The following SPAG17 variants were observed in gnomAD, a reference collection of about 807,000 sequenced individuals.
SPAG17 encodes the protein sperm-associated antigen 17.
Under a neutral mutation model 273.6 loss-of-function variants are expected in SPAG17, and 169 were observed. The observed-to-expected ratio is 0.62, with a 90% CI of 0.55 to 0.70. The LOEUF is 0.70. SPAG17 is among the 30% of genes least tolerant of loss of function. SPAG17 has a pLI of 0.00. For synonymous variants in SPAG17, 825 were observed against 873.2 expected, an observed-to-expected ratio of 0.94 and a Z score of 0.97; for missense variants, 2,557 against 2,627.8, an observed-to-expected ratio of 0.97 and a Z score of 0.59.
At chr1:118,059,610 T>C (rs145504757) in intron 18 of SPAG17, among the ~76,000 whole-genome samples, 51 of 152,248 alleles carry the variant, frequency 3.3e-4, no homozygotes, top group African/African-American at 1.2e-3. Context: ...TGTTCAATGT[T>C]GTGTACATAC....
At chr1:118,135,040 C>T (rs1380393009) in intron 3 of SPAG17, among the ~76,000 whole-genome samples, 1 of 152,222 alleles carries the variant, frequency 6.6e-6, no homozygotes, top group African/African-American at 2.4e-5. Flanking sequence ...CTGGAATTAA[C>T]TTTGTGATTG....
intron 9 of SPAG17, 78 bp downstream of exon 9, chr1:118,091,852 G>A: frequency 6.8e-7 from 1 of 1,468,424 alleles, no homozygotes; most frequent in Non-Finnish European, 9.5e-7. Flanking sequence ...GAGGCTGAAA[G>A]TAATATGGAG....
intron 1 of SPAG17, among the ~76,000 whole-genome samples, chr1:118,157,595 A>C (rs1659716996): frequency 6.6e-6 from 1 of 152,114 alleles, no homozygotes; most frequent in Admixed American, 6.5e-5. Context: ...CCTGCCAACA[A>C]ATGACTAGAT....
chr1:118,157,265 T>C (rs1659699937), intron 1 of SPAG17, among the ~76,000 whole-genome samples: 1 of 152,008 alleles, frequency 6.6e-6, no homozygotes, highest in Non-Finnish European at 1.5e-5. Context: ...TCAGAGAAAA[T>C]ATTAAGGAGG....
At chr1:118,128,420 G>A (rs1238778912) in intron 3 of SPAG17, among the ~76,000 whole-genome samples, 1 of 152,064 alleles carries the variant, frequency 6.6e-6, no homozygotes, top group Non-Finnish European at 1.5e-5. Context: ...CTCTGGCTAG[G>A]ACTTCCAGTA....
At chr1:118,043,697 A>T (rs1650028595) in intron 20 of SPAG17, among the ~76,000 whole-genome samples, 1 of 152,176 alleles carries the variant, frequency 6.6e-6, no homozygotes, top group Non-Finnish European at 1.5e-5. Flanking sequence ...GGACTGATTG[A>T]TTGTTTATTA....
At chr1:118,125,630 T>C (rs1398703564) in intron 3 of SPAG17, among the ~76,000 whole-genome samples, 3 of 152,226 alleles carry the variant, frequency 2.0e-5, no homozygotes, top group Admixed American at 2.0e-4. Context: ...GTGGTATTTA[T>C]CTGTCTGTGT....
At chr1:118,058,130 A>G (rs1433987065) in intron 18 of SPAG17, among the ~76,000 whole-genome samples, 1 of 152,206 alleles carries the variant, frequency 6.6e-6, no homozygotes, top group African/African-American at 2.4e-5. Flanking sequence ...CATTTAAAAT[A>G]CTTAACTTTA....
chr1:117,989,138 A>G (rs1263485951), intron 38 of SPAG17, among the ~76,000 whole-genome samples: 1 of 152,230 alleles, frequency 6.6e-6, no homozygotes, highest in African/African-American at 2.4e-5. Flanking sequence ...ATAAACAAAC[A>G]ACTTTTTATT....
At chr1:118,014,944 G>A (rs1044560546) in intron 29 of SPAG17, among the ~76,000 whole-genome samples, 15 of 152,192 alleles carry the variant, frequency 9.9e-5, no homozygotes, top group African/African-American at 3.4e-4. Context: ...CACATTTGGT[G>A]TGAGGGCTGA....
At chr1:118,045,142 A>G (rs1376377606) in intron 20 of SPAG17, among the ~76,000 whole-genome samples, 1 of 152,210 alleles carries the variant, frequency 6.6e-6, no homozygotes, top group Admixed American at 6.5e-5. Flanking sequence ...TTTGGTCATC[A>G]TTCCTGGCTA....
At chr1:118,081,720 G>A (rs1654590218) in intron 13 of SPAG17, 78 bp from the exon 14 acceptor site, 4 of 1,203,240 alleles carry the variant, frequency 3.3e-6, no homozygotes, top group Middle Eastern at 3.9e-4. Flanking sequence ...GGATAACCAG[G>A]GAGTCTGTCT....
At chr1:117,994,229 G>A (rs1405079623) in intron 35 of SPAG17, among the ~76,000 whole-genome samples, 177 bp downstream of exon 35, 3 of 152,128 alleles carry the variant, frequency 2.0e-5, no homozygotes, top group Non-Finnish European at 4.4e-5. Context: ...CCTCTGAAAT[G>A]TTGTTGCCAC....
intron 3 of SPAG17, among the ~76,000 whole-genome samples, chr1:118,139,302 T>C (rs981796841): frequency 3.3e-5 from 5 of 152,036 alleles, no homozygotes; most frequent in Non-Finnish European, 7.4e-5. Context: ...TTCAAAAAGA[T>C]GAAAGATAAC....
At chr1:117,968,866 AACTC>A (rs920602709) in intron 46 of SPAG17, among the ~76,000 whole-genome samples, 1 of 152,220 alleles carries the variant, frequency 6.6e-6, no homozygotes, top group Admixed American at 6.5e-5. Context: ...CTGCCAGACT[AACTC>A]ACTTCATTCT....
At chr1:117,996,531 C>A (rs1281411263) in intron 33 of SPAG17, 31 bp from the exon 34 acceptor site, 2 of 1,605,902 alleles carry the variant, frequency 1.2e-6, no homozygotes, top group Non-Finnish European at 8.5e-7. Context: ...ATAATCACTT[C>A]AAGTATTCCG....
intron 17 of SPAG17, among the ~76,000 whole-genome samples, chr1:118,070,080 C>A (rs535792522): frequency 2.6e-5 from 4 of 152,014 alleles, no homozygotes; most frequent in African/African-American, 9.7e-5. Flanking sequence ...CACTCTCTAA[C>A]GCCTCATTAA....
intron 16 of SPAG17, 143 bp from the exon 17 acceptor site, chr1:118,074,110 G>T: frequency 1.7e-6 from 1 of 596,986 alleles, no homozygotes; most frequent in South Asian, 2.5e-5. Flanking sequence ...CAACATTTTA[G>T]GAGAGCTGCT....
In SPAG17 at chr1:118,016,071, A is replaced by T. The variant is rs775310535; in HGVS notation, c.4181T>A (p.Phe1394Tyr). 9 of 1,614,036 alleles carry T rather than the reference A, an allele frequency of 5.6e-6. No individual in the cohort carries two copies. In the East Asian group the frequency reaches 1.8e-4, roughly 32 times the overall value. ...CCGATTTCCTTCAGGTGTGGTTGTA[A>T]ACCAGGTGCCTATGTGAACCTCCAC... ...TPVEVHIGTW[F>Y]TTTPEGNRIG... The change falls in exon 29 of 49, where the codon TTT becomes TAT. Residue 1394 changes from phenylalanine (F) to tyrosine (Y), a missense_variant. Phe to Tyr is a conservative substitution (Grantham distance 22). Coordinates refer to ENST00000336338, the MANE Select transcript of SPAG17 (RefSeq NM_206996.4).
Sources: allele counts gnomAD v4.1 joint callset (sites outside exome capture counted in the v4.1 genomes callset), GRCh38; gene constraint gnomAD v4.1.1; transcripts MANE v1.5; gene names NCBI Gene and HGNC (gene_info 2026-07-23, HGNC 2026-07-21).